TTLL13: variants seen among roughly 807,000 people sequenced by gnomAD.
TTLL13 encodes the protein tubulin polyglutamylase TTLL13.
chr15:90,257,250 C>T, the TTLL13 span: 17 of 1,613,786 alleles, frequency 1.1e-5, no homozygotes, highest in African/African-American at 4.0e-5. Context: ...TTTGCCACCA[C>T]GCCCTATATG....
the TTLL13 span, chr15:90,256,252 G>A: frequency 1.5e-5 from 24 of 1,614,102 alleles, no homozygotes; most frequent in Non-Finnish European, 1.9e-5. Flanking sequence ...ATCCCCGGGA[G>A]ATCAAGCCAG....
the TTLL13 span, chr15:90,257,868 G>A: frequency 1.1e-6 from 1 of 937,994 alleles, no homozygotes; most frequent in African/African-American, 1.6e-5. Context: ...GCACTTTGGA[G>A]CTCTAAGTGC....
the TTLL13 span, chr15:90,263,275 G>A: frequency 1.5e-5 from 12 of 824,100 alleles, no homozygotes; most frequent in East Asian, 2.7e-5. Flanking sequence ...AGCAGAGTGC[G>A]CTAGCTGGAC....
chr15:90,251,652 G>A, the TTLL13 span: 1 of 1,586,282 alleles, frequency 6.3e-7, no homozygotes, highest in African/African-American at 1.3e-5. Flanking sequence ...TACAGCTGCT[G>A]TTCTTCCTCT....
chr15:90,255,605 T>C, the TTLL13 span: 2 of 1,107,576 alleles, frequency 1.8e-6, no homozygotes, highest in Non-Finnish European at 2.7e-6. Context: ...AACCTTCCTA[T>C]GTTTGCCCTT....
chr15:90,258,876 G>A, the TTLL13 span: 4 of 1,614,066 alleles, frequency 2.5e-6, no homozygotes, highest in East Asian at 4.5e-5. Flanking sequence ...GAGGATAAGC[G>A]GCGAGTCAAG....
chr15:90,258,137 A>G, the TTLL13 span: 1 of 1,614,076 alleles, frequency 6.2e-7, no homozygotes, highest in Non-Finnish European at 8.5e-7. Flanking sequence ...CCATCATCTC[A>G]GCCCATTCTG....
the TTLL13 span, chr15:90,256,181 C>G: frequency 6.2e-7 from 1 of 1,614,152 alleles, no homozygotes; most frequent in Non-Finnish European, 8.5e-7. Flanking sequence ...GCGAAAAGCC[C>G]GCACATATAT....
chr15:90,258,479 T>A, the TTLL13 span: 2 of 624,738 alleles, frequency 3.2e-6, no homozygotes, highest in Non-Finnish European at 5.6e-6. Flanking sequence ...ACCGTAGGAA[T>A]GCAGGTTTGG....
the TTLL13 span, among the ~76,000 whole-genome samples, chr15:90,261,003 A>G: frequency 6.6e-6 from 1 of 152,144 alleles, no homozygotes; most frequent in Admixed American, 6.5e-5. Context: ...ATTGCATAGT[A>G]AGATTATGGA....
the TTLL13 span, chr15:90,263,935 T>C: frequency 3.3e-6 from 5 of 1,512,856 alleles, no homozygotes; most frequent in Non-Finnish European, 3.6e-6. Flanking sequence ...TGTTCCCCGG[T>C]ACCATCTGCA....
the TTLL13 span, among the ~76,000 whole-genome samples, chr15:90,264,473 T>C: frequency 3.5e-4 from 54 of 152,158 alleles, no homozygotes; most frequent in Non-Finnish European, 6.2e-4. Context: ...ACCAGGCCTA[T>C]TTAATCCTTT....
At chr15:90,265,231 T>C in the TTLL13 span, 14 of 1,328,146 alleles carry the variant, frequency 1.1e-5, no homozygotes, top group Non-Finnish European at 1.3e-5. Context: ...TTAGCCTGGG[T>C]TTATCGCTAG....
At chr15:90,263,053 G>A in the TTLL13 span, 920 of 1,536,096 alleles carry the variant, frequency 6.0e-4, 5 homozygotes, top group Non-Finnish European at 5.6e-5. Flanking sequence ...GCTACAAAGG[G>A]AGACTCTCAT....
chr15:90,260,878 A>AAAGG, the TTLL13 span, among the ~76,000 whole-genome samples: 58 of 151,228 alleles, frequency 3.8e-4, 1 homozygote, highest in East Asian at 5.1e-3. Flanking sequence ...AGAGAGAAAG[A>AAAGG]AAGGAAGGAA....
the TTLL13 span, among the ~76,000 whole-genome samples, chr15:90,259,562 A>G: frequency 6.6e-6 from 1 of 152,184 alleles, no homozygotes; most frequent in Non-Finnish European, 1.5e-5. Context: ...TTTATACAAA[A>G]TATTTTTCTC....
chr15:90,251,114 C>CTTTTT, the TTLL13 span, among the ~76,000 whole-genome samples: 4 of 104,670 alleles, frequency 3.8e-5, no homozygotes, highest in Non-Finnish European at 5.5e-5. Flanking sequence ...CCTGGTCTGT[C>CTTTTT]TTTTTTTTTT....
At chr15:90,256,362 C>G in the TTLL13 span, 3 of 1,599,552 alleles carry the variant, frequency 1.9e-6, no homozygotes, top group Admixed American at 5.1e-5. Context: ...TCATCTCTCC[C>G]AAAAGCCAGG....
chr15:90,261,866 T>C, the TTLL13 span: 1 of 624,136 alleles, frequency 1.6e-6, no homozygotes, highest in Non-Finnish European at 2.6e-6. Context: ...AAAGATGGGC[T>C]TGGCAGCTTT....
Sources: gnomAD v4.1 joint callset for allele counts (sites outside exome capture counted in the v4.1 genomes callset) on GRCh38, gnomAD v4.1.1 for gene constraint, MANE v1.5 for transcripts, NCBI Gene and HGNC (gene_info 2026-07-23, HGNC 2026-07-21) for gene names.